Variants in CDH18 observed in about 807,000 individuals in gnomAD.
CDH18 encodes cadherin-18.
In CDH18, 31 loss-of-function variants were observed where a neutral mutation model predicts 67.9. That is an observed-to-expected ratio of 0.46 (90% CI 0.34 to 0.62). CDH18 has a LOEUF of 0.62. Among genes scored for constraint, CDH18 ranks in the 20% least tolerant of loss-of-function variants. The probability of loss-of-function intolerance (pLI) is 0.01; values close to 1 mark genes in which losing one functional copy is unlikely to be tolerated. For synonymous variants in CDH18, 362 were observed against 347.2 expected (o/e 1.04, Z -0.48); for missense variants, 890 against 975.5 (o/e 0.91, Z 1.17).
At chr5:20,076,409 G>A (rs886076952) in intron 2 of CDH18, among the ~76,000 whole-genome samples, 2 of 151,928 alleles carry the variant, frequency 1.3e-5, no homozygotes, top group African/African-American at 2.4e-5. Context: ...AATTGAGATG[G>A]CAATAAAATG....
chr5:19,683,338 T>A (rs1760602232), intron 5 of CDH18, among the ~76,000 whole-genome samples: 2 of 152,118 alleles, frequency 1.3e-5, no homozygotes, highest in Non-Finnish European at 2.9e-5. Flanking sequence ...CTGTGTTTCT[T>A]AGACAGTTGA....
chr5:19,979,054 G>T (rs116315001), intron 2 of CDH18, among the ~76,000 whole-genome samples: 4 of 152,146 alleles, frequency 2.6e-5, no homozygotes, highest in African/African-American at 9.7e-5. Flanking sequence ...TTCACTCATA[G>T]AGTGAGTTTC....
chr5:20,026,687 TG>T (rs1181794859), intron 2 of CDH18, among the ~76,000 whole-genome samples: 1 of 152,182 alleles, frequency 6.6e-6, no homozygotes, highest in African/African-American at 2.4e-5. Flanking sequence ...AAGGAAGATT[TG>T]ATTTAAAAAA....
chr5:19,909,024 T>C (rs1048556130), intron 2 of CDH18, among the ~76,000 whole-genome samples: 1 of 152,168 alleles, frequency 6.6e-6, no homozygotes, highest in African/African-American at 2.4e-5. Context: ...GCTCACTGAC[T>C]GGGAGCACAT....
intron 2 of CDH18, among the ~76,000 whole-genome samples, chr5:20,032,511 A>T (rs76899343): frequency 0.011 from 1,744 of 152,168 alleles, 38 homozygotes; most frequent in African/African-American, 0.04. Flanking sequence ...AAGGTTTCAA[A>T]TCAGCATTTG....
chr5:19,601,711 A>G lies in CDH18; in HGVS notation c.812-10467T>C, dbSNP rs375638116. The stretch of plus-strand genomic sequence containing the variant: ...ATACAAAAATTATTAACAAAATACT[A>G]GTAAACTGATTTCAGCATAATATCA... On this transcript the variant is annotated intron_variant, in intron 6 of 12. Transcript: ENST00000382275. Among the ~76,000 whole-genome samples the G allele has an allele frequency of 3.7e-4, 57 of 152,236 alleles. 3 individuals carry two copies. The highest frequency in any genetic ancestry group is 1.2e-3 in the African/African-American group (50 of 41,568).
At chr5:19,709,032 A>C (rs954717256) in intron 5 of CDH18, among the ~76,000 whole-genome samples, 1 of 151,700 alleles carries the variant, frequency 6.6e-6, no homozygotes, top group African/African-American at 2.4e-5. Context: ...AAATAAATAA[A>C]TAACTTTCCT....
chr5:19,741,213 A>G (rs1021467323), intron 4 of CDH18, among the ~76,000 whole-genome samples: 3 of 143,144 alleles, frequency 2.1e-5, no homozygotes, highest in Non-Finnish European at 3.1e-5. Flanking sequence ...TATGTCATAT[A>G]TGTATATATA....
chr5:19,874,127 A>G (rs1486993754), intron 2 of CDH18, among the ~76,000 whole-genome samples: 1 of 152,158 alleles, frequency 6.6e-6, no homozygotes, highest in African/African-American at 2.4e-5. Flanking sequence ...ATATTAAAGC[A>G]TGTGTAGATT....
intron 2 of CDH18, among the ~76,000 whole-genome samples, chr5:20,182,189 G>A (rs948992521): frequency 4.6e-5 from 7 of 151,974 alleles, no homozygotes; most frequent in African/African-American, 1.4e-4. Context: ...TTTTTATACA[G>A]TTTCGATAAC....
rs139865630 is a variant in CDH18, at chr5:19,640,147, A to C, written c.644-27546T>G. On this transcript the variant is annotated intron_variant, in intron 5 of 12. Transcript: ENST00000382275. ...TTCTTCAAGTTGTAACTAAAACATAAACATATGAAATAATATGAAAACAAA... is the reference window on the plus strand; with the variant it reads ...TTCTTCAAGTTGTAACTAAAACATACACATATGAAATAATATGAAAACAAA... 4.6e-3 allele frequency among the ~76,000 whole-genome samples: 695 copies of C among 152,318 alleles called. 3 individuals are homozygous for C. The highest frequency in any genetic ancestry group is 0.016 in the African/African-American group (667 of 41,568).
chr5:20,414,222 T>C lies in CDH18; in HGVS notation c.-579-158717A>G, dbSNP rs149273080. Among the ~76,000 whole-genome samples the C allele has an allele frequency of 3.1e-3, 476 of 152,328 alleles. 1 individual carries two copies. The highest frequency in any genetic ancestry group is 0.011 in the African/African-American group (457 of 41,576). ...TAAAACATTCTACCAAAAAGACAAC[T>C]GCACTTTTATGTTTATCGTAGCACT... On this transcript the variant is annotated intron_variant, in intron 1 of 14. Coordinates refer to the CDH18 transcript ENST00000507958.
chr5:20,435,145 A>G (rs560112519), intron 1 of CDH18, among the ~76,000 whole-genome samples: 2 of 152,154 alleles, frequency 1.3e-5, no homozygotes, highest in South Asian at 4.1e-4. Flanking sequence ...CACCACACAC[A>G]CACATAACCT....
At chr5:19,534,297 T>TA (rs144322921) in intron 9 of CDH18, among the ~76,000 whole-genome samples, 15,328 of 151,138 alleles carry the variant, frequency 0.1, 1,041 homozygotes, top group Non-Finnish European at 0.14. Flanking sequence ...ATTAATACAT[T>TA]AAAAAAAAAC....
intron 6 of CDH18, among the ~76,000 whole-genome samples, chr5:19,596,702 A>G (rs1221568122): frequency 6.6e-6 from 1 of 152,238 alleles, no homozygotes; most frequent in African/African-American, 2.4e-5. Context: ...TTAAAATATG[A>G]AACAGATTCC....
intron 2 of CDH18, among the ~76,000 whole-genome samples, chr5:20,236,640 G>GA (rs1742495241): frequency 6.6e-6 from 1 of 151,962 alleles, no homozygotes; most frequent in Non-Finnish European, 1.5e-5. Flanking sequence ...TATCTTAGAA[G>GA]AAGAAATCAA....
At chr5:20,540,769 A>T (rs973292337) in intron 1 of CDH18, among the ~76,000 whole-genome samples, 11 of 152,224 alleles carry the variant, frequency 7.2e-5, no homozygotes, top group Non-Finnish European at 1.3e-4. Context: ...TGCCTCTGGC[A>T]GAAACTAGAT....
intron 2 of CDH18, among the ~76,000 whole-genome samples, chr5:20,098,319 T>C (rs951240977): frequency 9.2e-5 from 14 of 152,098 alleles, no homozygotes; most frequent in African/African-American, 3.1e-4. Context: ...CAAATAAAAA[T>C]TGTATATATT....
At chr5:20,504,210 TCCAGCCAC>T (rs1269686951) in intron 1 of CDH18, among the ~76,000 whole-genome samples, 4 of 151,852 alleles carry the variant, frequency 2.6e-5, no homozygotes, top group Non-Finnish European at 5.9e-5. Context: ...GATTAGGTCA[TCCAGCCAC>T]CCAGGTTTCA....
Sources: allele counts gnomAD v4.1 joint callset (sites outside exome capture counted in the v4.1 genomes callset), GRCh38; gene constraint gnomAD v4.1.1; transcripts MANE v1.5; gene names NCBI Gene and HGNC (gene_info 2026-07-23, HGNC 2026-07-21).